KALRN: variants seen among roughly 807,000 people sequenced by gnomAD.
KALRN encodes kalirin.
A neutral mutation model predicts 353.7 loss-of-function variants in KALRN; 70 were observed. The ratio of observed to expected loss-of-function variants is 0.20; its 90% CI spans 0.16 to 0.24. The LOEUF (loss-of-function observed/expected upper bound fraction) is 0.24. Among genes scored for constraint, KALRN ranks in the 10% least tolerant of loss-of-function variants. The probability of loss-of-function intolerance (pLI) is 1.00; values close to 1 mark genes in which losing one functional copy is unlikely to be tolerated. For missense variants in KALRN, 2,791 were observed against 3,756.7 expected (o/e 0.74, Z 6.72); for synonymous variants, 1,391 against 1,434.8 (o/e 0.97, Z 0.69).
At chr3:124,394,480 T>G (rs1218053836) in intron 11 of KALRN, among the ~76,000 whole-genome samples, 1 of 152,252 alleles carries the variant, frequency 6.6e-6, no homozygotes, top group Non-Finnish European at 1.5e-5. Flanking sequence ...CAAAACACTA[T>G]ACTTTGCTCT....
chr3:124,267,513 G>A (rs1387493585), intron 4 of KALRN, among the ~76,000 whole-genome samples: 1 of 152,208 alleles, frequency 6.6e-6, no homozygotes, highest in Non-Finnish European at 1.5e-5. Flanking sequence ...TAAACCTACT[G>A]ATGTCCAAGC....
At chr3:124,484,971 C>T (rs1038232239) in intron 28 of KALRN, among the ~76,000 whole-genome samples, 1 of 152,106 alleles carries the variant, frequency 6.6e-6, no homozygotes, top group Non-Finnish European at 1.5e-5. Flanking sequence ...TGGTGTGTGC[C>T]TGTAATCCCA....
chr3:124,499,112 C>A (rs922980857), intron 33 of KALRN, among the ~76,000 whole-genome samples: 6 of 152,076 alleles, frequency 3.9e-5, no homozygotes, highest in African/African-American at 1.4e-4. Flanking sequence ...TCTTACAATC[C>A]AGAGGAATGA....
At chr3:124,298,760 T>G in intron 5 of KALRN, 31 bp from the exon 6 acceptor site, 1 of 1,613,844 alleles carries the variant, frequency 6.2e-7, no homozygotes, top group Non-Finnish European at 8.5e-7. Flanking sequence ...ATGACCATTC[T>G]GATTATGCTG....
At chr3:124,232,115 C>A (rs1473331058) in intron 2 of KALRN, among the ~76,000 whole-genome samples, 41 of 152,140 alleles carry the variant, frequency 2.7e-4, no homozygotes, top group Non-Finnish European at 2.9e-5. Context: ...GGGATCTCAT[C>A]ATCCAATAGA....
chr3:124,510,601 A>G (rs2065792477), intron 33 of KALRN, among the ~76,000 whole-genome samples: 1 of 151,820 alleles, frequency 6.6e-6, no homozygotes, highest in South Asian at 2.1e-4. Context: ...TTATTCTTTC[A>G]TTCTCTAGCC....
chr3:124,270,293 A>G (rs1436646823), intron 5 of KALRN, among the ~76,000 whole-genome samples: 2 of 152,210 alleles, frequency 1.3e-5, no homozygotes, highest in African/African-American at 4.8e-5. Flanking sequence ...GTCTTTTAAG[A>G]GCTCATATTG....
At chr3:124,371,687 A>G (rs1011724967) in intron 10 of KALRN, among the ~76,000 whole-genome samples, 2 of 152,176 alleles carry the variant, frequency 1.3e-5, no homozygotes, top group Non-Finnish European at 2.9e-5. Context: ...ATTGGTGTAT[A>G]TATTTATGAT....
rs1559758779 is a variant in KALRN at position 124,646,412 on chromosome 3, A to ATTTTTTTTTTTTTTTTTTTTTT, written c.5665-4396_5665-4395insTTTTTTTTTTTTTTTTTTTTTT. On this transcript the variant is annotated intron_variant, in intron 37 of 59. Transcript: ENST00000682506. ...TTTACTTTTTTTTTTTTTTTTTGAG[A>ATTTTTTTTTTTTTTTTTTTTTT]CAGAGCCTTGCTGTGTCACCCAGTC... is the stretch of plus-strand genomic sequence containing the variant. 5.6e-5 allele frequency among the ~76,000 whole-genome samples: 7 copies of ATTTTTTTTTTTTTTTTTTTTTT among 125,534 alleles called. No homozygotes were observed. In the East Asian group the frequency reaches 1.1e-3, roughly 19 times the overall value. 82.4% of individuals were successfully genotyped at this position (125,534 alleles called of 152,430 possible).
intron 33 of KALRN, among the ~76,000 whole-genome samples, chr3:124,546,825 G>A (rs775048591): frequency 6.6e-6 from 1 of 152,204 alleles, no homozygotes; most frequent in Non-Finnish European, 1.5e-5. Flanking sequence ...GGTCTTAGCT[G>A]TGAGAGAACT....
At chr3:124,044,051 G>A (rs2040202949) in intron 1 of KALRN, among the ~76,000 whole-genome samples, 1 of 152,138 alleles carries the variant, frequency 6.6e-6, no homozygotes, top group South Asian at 2.1e-4. Flanking sequence ...GAAGAAAGGG[G>A]AAGCAGGCTA....
chr3:124,335,924 C>T (rs1002089277), intron 9 of KALRN, among the ~76,000 whole-genome samples: 5 of 152,130 alleles, frequency 3.3e-5, no homozygotes, highest in Admixed American at 6.5e-5. Flanking sequence ...AATTGAGAGC[C>T]AACTGTACAT....
At chr3:124,696,341 G>C (rs1346265328) in intron 54 of KALRN, 86 bp downstream of exon 54, 1 of 1,332,858 alleles carries the variant, frequency 7.5e-7, no homozygotes, top group Non-Finnish European at 1.0e-6. Flanking sequence ...CATGATCTCT[G>C]TTCATGGCAG....
At chr3:124,069,348 AG>A (rs1559899826) in intron 1 of KALRN, among the ~76,000 whole-genome samples, 3,659 of 144,906 alleles carry the variant, frequency 0.025, 117 homozygotes, top group Non-Finnish European at 0.029. Flanking sequence ...GAGGAGGAGG[AG>A]GAGGAGGAGG....
chr3:124,608,569 T>C (rs1222067275), intron 34 of KALRN, among the ~76,000 whole-genome samples: 1 of 152,118 alleles, frequency 6.6e-6, no homozygotes, highest in Non-Finnish European at 1.5e-5. Flanking sequence ...GTGGACCGTA[T>C]GTTTTTGCTT....
rs61485429 is a variant in KALRN at position 124,411,433 on chromosome 3, CTTTTTTTTTTTTTTT to C, written c.2347-2023_2347-2009del. Among the ~76,000 whole-genome samples, 7 of 51,480 alleles carry C rather than the reference CTTTTTTTTTTTTTTT, an allele frequency of 1.4e-4. No individual in the cohort carries two copies. In the Admixed American group the frequency reaches 1.7e-3, roughly 13 times the overall value. The allele number at this position is 51,480 out of a possible 152,430, so 33.8% of individuals were successfully genotyped here. ...AAGCCTATGTATACTTTAAATTATG[CTTTTTTTTTTTTTTT>C]TTTTTTTTTTTTTAAGAAACAGGGT... On this transcript the variant is annotated intron_variant, in intron 13 of 59. Transcript: ENST00000682506.
chr3:124,446,623 C>T, intron 20 of KALRN, 140 bp from the exon 21 acceptor site: 1 of 1,060,058 alleles, frequency 9.4e-7, no homozygotes, highest in Non-Finnish European at 1.4e-6. Context: ...AAAAAAAACT[C>T]CAGAGCTACA....
At chr3:124,455,127 G>A (rs765469680) in intron 21 of KALRN, 50 bp from the exon 22 acceptor site, 1 of 1,597,390 alleles carries the variant, frequency 6.3e-7, no homozygotes. Flanking sequence ...GGGGTGAAGG[G>A]GCAGGAGAAT....
chr3:124,439,190 T>TCACACA lies in KALRN; in HGVS notation c.3198+154_3198+155insACACAC, dbSNP rs1173931984. ...CTCCTCCTCCTCCTTCTTCTCCTTC[T>TCACACA]CTCTCTCTCTCACACACACACACAC... On this transcript the variant is annotated intron_variant, in intron 18 of 59. Transcript: ENST00000682506. 1.5e-4 allele frequency among the ~76,000 whole-genome samples: 9 copies of TCACACA among 58,132 alleles called. No homozygotes were observed. The South Asian group carries it at 4.6e-3, about 30-fold the overall frequency. The allele number at this position is 58,132 out of a possible 152,430, so 38.1% of individuals were successfully genotyped here.
Sources: allele counts gnomAD v4.1 joint callset (sites outside exome capture counted in the v4.1 genomes callset), GRCh38; gene constraint gnomAD v4.1.1; transcripts MANE v1.5; gene names NCBI Gene and HGNC (gene_info 2026-07-23, HGNC 2026-07-21).